KCNJ3: variants seen among roughly 807,000 people sequenced by gnomAD.
KCNJ3 encodes G protein-activated inward rectifier potassium channel 1.
In KCNJ3, 4 loss-of-function variants were observed where a neutral mutation model predicts 39.2. The observed-to-expected ratio is 0.10, with a 90% CI of 0.05 to 0.23. The LOEUF (loss-of-function observed/expected upper bound fraction) is 0.23. Among genes scored for constraint, KCNJ3 ranks in the 10% least tolerant of loss-of-function variants. The pLI is 1.00. For synonymous variants in KCNJ3, 230 were observed against 237.4 expected (o/e 0.97, Z 0.29); for missense variants, 276 against 634.9 (o/e 0.43, Z 6.08).
At chr2:154,834,881 T>C (rs1169486300) in intron 2 of KCNJ3, among the ~76,000 whole-genome samples, 5 of 151,958 alleles carry the variant, frequency 3.3e-5, no homozygotes, top group African/African-American at 4.8e-5. Flanking sequence ...AACTTCTCAT[T>C]CCACCCTTAA....
chr2:154,833,730 A>C (rs956049736), intron 2 of KCNJ3, among the ~76,000 whole-genome samples: 1 of 152,152 alleles, frequency 6.6e-6, no homozygotes, highest in Non-Finnish European at 1.5e-5. Flanking sequence ...GCAATCACTG[A>C]TCTTTCTACT....
intron 2 of KCNJ3, among the ~76,000 whole-genome samples, chr2:154,779,782 T>C (rs1686403062): frequency 6.6e-6 from 1 of 151,958 alleles, no homozygotes; most frequent in African/African-American, 2.4e-5. Context: ...GACCTCCTGA[T>C]CCGCCCACCT....
rs1295445706 is a variant in KCNJ3 at position 154,699,996 on chromosome 2, C to T, written c.702+519C>T. Among the ~76,000 whole-genome samples, 3 of 151,970 alleles carry T rather than the reference C, an allele frequency of 2.0e-5. No homozygotes were observed. Among genetic ancestry groups the T allele is most frequent in the Admixed American group, 6.6e-5 (1 of 15,244 alleles). Reference sequence around the variant, plus strand: ...AATAATATTAGGAGGCGGATTACTCCTCTGGACCCAATGACTTTAACTCTA... The same window carrying T: ...AATAATATTAGGAGGCGGATTACTCTTCTGGACCCAATGACTTTAACTCTA... On this transcript the variant is annotated intron_variant, in intron 1 of 2. Coordinates refer to ENST00000295101, the MANE Select transcript of KCNJ3 (RefSeq NM_002239.4). The surrounding 1 kb of genome is among the most constrained non-coding windows in gnomAD (Gnocchi z 6.4).
intron 2 of KCNJ3, among the ~76,000 whole-genome samples, chr2:154,710,775 A>G (rs1021503057): frequency 7.2e-5 from 11 of 152,174 alleles, no homozygotes; most frequent in Admixed American, 5.2e-4. Flanking sequence ...AGCAATATAG[A>G]AATTAGCACT....
chr2:154,746,768 A>G (rs1685753068), intron 2 of KCNJ3, among the ~76,000 whole-genome samples: 2 of 151,844 alleles, frequency 1.3e-5, no homozygotes, highest in East Asian at 3.9e-4. Flanking sequence ...TTAAAACTAC[A>G]TTGGAAATTA....
intron 2 of KCNJ3, among the ~76,000 whole-genome samples, chr2:154,824,352 A>C (rs1468493958): frequency 6.6e-6 from 1 of 152,088 alleles, no homozygotes; most frequent in Non-Finnish European, 1.5e-5. Flanking sequence ...AATAAAATAG[A>C]AATAAAAAAT....
intron 2 of KCNJ3, among the ~76,000 whole-genome samples, chr2:154,819,775 C>T (rs1687140077): frequency 6.6e-6 from 1 of 151,978 alleles, no homozygotes; most frequent in African/African-American, 2.4e-5. Context: ...GTGATCTACC[C>T]ACCTCACCCT....
At chr2:154,780,643 C>G (rs919818818) in intron 2 of KCNJ3, among the ~76,000 whole-genome samples, 1 of 152,136 alleles carries the variant, frequency 6.6e-6, no homozygotes, top group African/African-American at 2.4e-5. Flanking sequence ...CCAGCTCGCA[C>G]GGTCTCTGAG....
At chr2:154,730,425 G>A (rs539464709) in intron 2 of KCNJ3, among the ~76,000 whole-genome samples, 1 of 152,108 alleles carries the variant, frequency 6.6e-6, no homozygotes, top group Non-Finnish European at 1.5e-5. Context: ...AAATGAAAAG[G>A]CATTATTTTA....
chr2:154,837,615 T>C (rs1687493210), intron 2 of KCNJ3, among the ~76,000 whole-genome samples: 1 of 152,200 alleles, frequency 6.6e-6, no homozygotes, highest in Admixed American at 6.5e-5. Context: ...TCTTTCTCCA[T>C]TCCTTCTGCT....
At chr2:154,741,547 G>A (rs2105175156) in intron 2 of KCNJ3, among the ~76,000 whole-genome samples, 1 of 151,524 alleles carries the variant, frequency 6.6e-6, no homozygotes, top group Admixed American at 6.6e-5. Flanking sequence ...TTTGGGATGT[G>A]GTCATTTCTT....
intron 2 of KCNJ3, among the ~76,000 whole-genome samples, chr2:154,825,748 T>G: frequency 6.6e-6 from 1 of 151,426 alleles, no homozygotes; most frequent in Non-Finnish European, 1.5e-5. Context: ...AGCTAATTTT[T>G]TTTAACTTTT....
intron 2 of KCNJ3, among the ~76,000 whole-genome samples, chr2:154,798,823 C>T (rs1686762946): frequency 6.6e-6 from 1 of 152,108 alleles, no homozygotes; most frequent in Admixed American, 6.6e-5. Flanking sequence ...ACACTGTTTT[C>T]ATCCAGTTAT....
intron 2 of KCNJ3, among the ~76,000 whole-genome samples, chr2:154,848,338 T>A (rs1411659643): frequency 6.6e-6 from 1 of 152,132 alleles, no homozygotes; most frequent in East Asian, 1.9e-4. Flanking sequence ...TTATTTACAG[T>A]TTTGCTGTGA....
rs2652420 is a variant in KCNJ3 at position 154,852,244 on chromosome 2, T to C, written c.920-2483T>C. Among the ~76,000 whole-genome samples the C allele has an allele frequency of 7.7e-3, 1,167 of 151,996 alleles. 16 individuals are homozygous for C. Among genetic ancestry groups the C allele is most frequent in the African/African-American group, 0.025 (1,053 of 41,428 alleles). On this transcript the variant is annotated intron_variant, in intron 2 of 2. Transcript: ENST00000295101. ...TGGCTGGGTTCAAGATGAGTCTGAG[T>C]AACATGACAAAACCCTGTCTCTACA... is the stretch of plus-strand genomic sequence containing the variant.
At chr2:154,837,391 A>AATTGATG (rs75777417) in intron 2 of KCNJ3, among the ~76,000 whole-genome samples, 1 of 151,970 alleles carries the variant, frequency 6.6e-6, no homozygotes, top group Non-Finnish European at 1.5e-5. Flanking sequence ...TCATGAGTTG[A>AATTGATG]ATTAACATAT....
chr2:154,800,105 C>A (rs1443953438), intron 2 of KCNJ3, among the ~76,000 whole-genome samples: 1 of 152,150 alleles, frequency 6.6e-6, no homozygotes, highest in Admixed American at 6.5e-5. Context: ...GTTTTCATTA[C>A]CCTTGATGCT....
At chr2:154,767,728 T>C (rs1363945414) in intron 2 of KCNJ3, among the ~76,000 whole-genome samples, 3 of 152,278 alleles carry the variant, frequency 2.0e-5, no homozygotes, top group Non-Finnish European at 4.4e-5. Flanking sequence ...GGTCAAATGG[T>C]ATTTCTAGTT....
intron 2 of KCNJ3, among the ~76,000 whole-genome samples, chr2:154,797,272 T>C (rs571812167): frequency 6.6e-6 from 1 of 152,348 alleles, no homozygotes; most frequent in South Asian, 2.1e-4. Context: ...TGTGTGGTTG[T>C]GTTTCACAAA....
Sources: gnomAD v4.1 joint callset for allele counts (sites outside exome capture counted in the v4.1 genomes callset) on GRCh38, gnomAD v4.1.1 for gene constraint, Gnocchi (gnomAD v3.1) non-coding constraint, MANE v1.5 for transcripts, NCBI Gene and HGNC (gene_info 2026-07-23, HGNC 2026-07-21) for gene names.